GRAMD4: variants seen among roughly 807,000 people sequenced by gnomAD.
The protein encoded by GRAMD4 is GRAM domain-containing protein 4.
A neutral mutation model predicts 83.9 loss-of-function variants in GRAMD4; 25 were observed. That is an observed-to-expected ratio of 0.30 (90% confidence interval 0.22 to 0.42). GRAMD4 has a LOEUF of 0.42. GRAMD4 is among the 10% of genes least tolerant of loss of function. GRAMD4 has a pLI of 1.00. For missense variants in GRAMD4, 593 were observed against 788.7 expected, an observed-to-expected ratio of 0.75 and a Z score of 2.97; for synonymous variants, 336 against 320.9, an observed-to-expected ratio of 1.05 and a Z score of -0.50.
intron 13 of GRAMD4, among the ~76,000 whole-genome samples, chr22:46,671,950 C>G (rs933273870): frequency 4.6e-5 from 7 of 152,244 alleles, no homozygotes; most frequent in Non-Finnish European, 1.0e-4. Flanking sequence ...CTTTATCAGT[C>G]CCTTTATAGC....
chr22:46,601,925 C>T (rs1330264848), intron 1 of GRAMD4, among the ~76,000 whole-genome samples: 1 of 152,228 alleles, frequency 6.6e-6, no homozygotes, highest in Non-Finnish European at 1.5e-5. Flanking sequence ...CCAGAGGTCT[C>T]CATTGGTCCT....
At chr22:46,651,082 C>T (rs1016293703) in intron 3 of GRAMD4, among the ~76,000 whole-genome samples, 4 of 152,234 alleles carry the variant, frequency 2.6e-5, no homozygotes, top group East Asian at 1.9e-4. Flanking sequence ...CGGGCCATCT[C>T]GCTTTCCTTC....
At chr22:46,598,785 C>T (rs975639347) in intron 1 of GRAMD4, among the ~76,000 whole-genome samples, 15 of 152,120 alleles carry the variant, frequency 9.9e-5, no homozygotes, top group Admixed American at 6.5e-4. Context: ...AAAATCCGTG[C>T]GGGCCAGCGG....
Position 46,659,083 on chromosome 22 carries a change from G to A in GRAMD4, c.404+776G>A, listed in dbSNP as rs2082288917. ...TGTCCCTCTGCACAAGTTCAAACTG[G>A]TGCCTGGTACATGAGGCCAGGGAGC... On this transcript the variant is annotated intron_variant, in intron 4 of 18. Transcript: ENST00000406902. The surrounding 1 kb of genome is among the most constrained non-coding windows in gnomAD (Gnocchi z 4.1). Among the ~76,000 whole-genome samples, 1 of 152,096 alleles carries A rather than the reference G, an allele frequency of 6.6e-6. No individual in the cohort carries two copies. The highest frequency in any genetic ancestry group is 1.5e-5 in the Non-Finnish European group (1 of 68,022).
chr22:46,643,084 T>TACCCATCGATCCATCTATCCATCC (rs1555967831), intron 3 of GRAMD4, among the ~76,000 whole-genome samples: 8 of 76,324 alleles, frequency 1.0e-4, no homozygotes, highest in African/African-American at 2.0e-4. Context: ...TCTATCCATT[T>TACCCATCGATCCATCTATCCATCC]ATCCATCCAT....
intron 13 of GRAMD4, among the ~76,000 whole-genome samples, chr22:46,670,068 C>T (rs1461691749): frequency 6.6e-6 from 1 of 152,240 alleles, no homozygotes; most frequent in African/African-American, 2.4e-5. Flanking sequence ...GTAGGAGCCA[C>T]AAAGCCAGGG....
chr22:46,636,249 C>T (rs958968099), intron 2 of GRAMD4, among the ~76,000 whole-genome samples: 2 of 152,214 alleles, frequency 1.3e-5, no homozygotes, highest in African/African-American at 2.4e-5. Flanking sequence ...GCTTCCAGCA[C>T]CTGGGCTCCG....
chr22:46,621,113 G>A lies in GRAMD4; in HGVS notation c.-50+548G>A, dbSNP rs1366475087. On this transcript the variant is annotated intron_variant, in intron 1 of 18. Transcript: ENST00000406902. The surrounding 1 kb of genome is among the most constrained non-coding windows in gnomAD (Gnocchi z 5.8). ...GGATGGGCAGCTAGAAGTGGGGAGG[G>A]CAGGGGCCGTCTGGTTGGGGATGCG... is the stretch of plus-strand genomic sequence containing the variant. Among the ~76,000 whole-genome samples the A allele has an allele frequency of 6.6e-6, 1 of 152,026 alleles. No homozygotes were observed. The highest frequency in any genetic ancestry group is 6.5e-5 in the Admixed American group (1 of 15,270).
chr22:46,639,930 C>T (rs1020556623), intron 3 of GRAMD4, among the ~76,000 whole-genome samples: 5 of 152,128 alleles, frequency 3.3e-5, no homozygotes, highest in African/African-American at 7.2e-5. Context: ...TCCCGATGAC[C>T]GTCCTGGTGA....
At chr22:46,668,589 G>A (rs1019761908) in intron 11 of GRAMD4, 100 bp from the exon 12 acceptor site, 26 of 1,084,934 alleles carry the variant, frequency 2.4e-5, no homozygotes, top group Non-Finnish European at 3.7e-5. Flanking sequence ...GGCTCCGAGT[G>A]ACCTCAGGGC....
chr22:46,658,390 C>A, intron 4 of GRAMD4, 83 bp downstream of exon 4: 2 of 1,307,064 alleles, frequency 1.5e-6, no homozygotes, highest in Admixed American at 4.2e-5. Context: ...CTCTGCTGCA[C>A]CCATAGCGTC....
intron 1 of GRAMD4, among the ~76,000 whole-genome samples, chr22:46,580,363 G>C (rs1033944676): frequency 6.6e-6 from 1 of 152,206 alleles, no homozygotes; most frequent in Non-Finnish European, 1.5e-5. Flanking sequence ...CACCACGGTG[G>C]GTTTAGATCT....
Position 46,665,650 on chromosome 22 carries a change from C to A in GRAMD4, c.753C>A (p.Ile251=). 1 of 1,604,236 alleles carries A rather than the reference C, an allele frequency of 6.2e-7. No homozygotes were observed. The highest frequency in any genetic ancestry group is 8.5e-7 in the Non-Finnish European group (1 of 1,171,618). The change falls in exon 9 of 19, where the codon ATC becomes ATA. Residue 251 remains isoleucine (I), a synonymous_variant. Coordinates refer to ENST00000406902, the MANE Select transcript of GRAMD4 (RefSeq NM_015124.5). ...YMNAVWHGWA[I]PLFLFLAILR... ...ATGCCGTGTGGCATGGCTGGGCCATCCCATTGTTCTTATTTCTAGCAATTC... is the reference window on the plus strand; with the variant it reads ...ATGCCGTGTGGCATGGCTGGGCCATACCATTGTTCTTATTTCTAGCAATTC...
chr22:46,660,884 G>A (rs1569297033), intron 4 of GRAMD4, among the ~76,000 whole-genome samples: 1 of 152,214 alleles, frequency 6.6e-6, no homozygotes, highest in Non-Finnish European at 1.5e-5. Flanking sequence ...TGGAGGGGCT[G>A]GGTGTGGGAC....
chr22:46,592,793 T>C (rs1602304710), intron 1 of GRAMD4, among the ~76,000 whole-genome samples: 1 of 152,310 alleles, frequency 6.6e-6, no homozygotes, highest in Admixed American at 6.5e-5. Flanking sequence ...GAGGGGCTGC[T>C]GGCTGCCTGC....
At chr22:46,618,660 G>A (rs181262332), upstream of GRAMD4, among the ~76,000 whole-genome samples, 5 of 152,334 alleles carry the variant, frequency 3.3e-5, no homozygotes, top group East Asian at 9.7e-4. This position sits in a 1 kb window ranked among gnomAD's most constrained non-coding sequence, Gnocchi z 5.8. Context: ...ATGTGGAGAA[G>A]GCTTCGGGAG....
Position 46,661,261 on chromosome 22 carries a change from C to G in GRAMD4, c.405-120C>G, listed in dbSNP as rs559039360. ...TCAGCAGTGGAGACTCTGGAGAGAG[C>G]CCTGCTGTCCCTGACCTCTCCTGTG... is the stretch of plus-strand genomic sequence containing the variant. On this transcript the variant is annotated intron_variant, in intron 4 of 18. Coordinates refer to ENST00000406902, the MANE Select transcript of GRAMD4 (RefSeq NM_015124.5). 16 of 716,662 alleles carry G rather than the reference C, an allele frequency of 2.2e-5. No individual in the cohort carries two copies. In the African/African-American group the frequency reaches 2.3e-4, roughly 10 times the overall value. 44.4% of individuals were successfully genotyped at this position (716,662 alleles called of 1,614,324 possible).
chr22:46,593,442 G>A (rs1166080757), intron 1 of GRAMD4, among the ~76,000 whole-genome samples: 3 of 152,172 alleles, frequency 2.0e-5, no homozygotes, highest in African/African-American at 4.8e-5. Flanking sequence ...TGGGCCTGCC[G>A]CACAGGGAGG....
chr22:46,640,652 A>T (rs1850848104), intron 3 of GRAMD4, among the ~76,000 whole-genome samples: 1 of 152,042 alleles, frequency 6.6e-6, no homozygotes, highest in Non-Finnish European at 1.5e-5. Context: ...GAGCACGGGG[A>T]TTATTTTTTA....
Sources: gnomAD v4.1 joint callset for allele counts (sites outside exome capture counted in the v4.1 genomes callset) on GRCh38, gnomAD v4.1.1 for gene constraint, Gnocchi (gnomAD v3.1) non-coding constraint, MANE v1.5 for transcripts, NCBI Gene and HGNC (gene_info 2026-07-23, HGNC 2026-07-21) for gene names.